The following DDX23 variants were observed in gnomAD, a reference collection of about 807,000 sequenced individuals.
The protein encoded by DDX23 is DEAD-box helicase 23.
Under a neutral mutation model 102.7 loss-of-function variants are expected in DDX23, and 33 were observed. That is an observed-to-expected ratio of 0.32 (90% CI 0.24 to 0.43). The LOEUF is 0.43. Among genes scored for constraint, DDX23 ranks in the 20% least tolerant of loss-of-function variants. DDX23 has a pLI of 1.00. For missense variants in DDX23, 549 were observed against 1,086.6 expected, an observed-to-expected ratio of 0.51 and a Z score of 6.96; for synonymous variants, 352 against 376.0, an observed-to-expected ratio of 0.94 and a Z score of 0.74.
chr12:48,835,494 G>A (rs1013986398), intron 11 of DDX23, among the ~76,000 whole-genome samples: 3 of 152,158 alleles, frequency 2.0e-5, no homozygotes, highest in Non-Finnish European at 4.4e-5. Context: ...CAGATCACTT[G>A]AGGTCAGGAG....
Position 48,836,461 on chromosome 12 carries a change from G to T in DDX23, c.1236+108C>A. The T allele has an allele frequency of 1.6e-6, 2 of 1,279,520 alleles. No homozygotes were observed. The highest frequency in any genetic ancestry group is 2.2e-6 in the Non-Finnish European group (2 of 905,206). The allele number at this position is 1,279,520 out of a possible 1,614,324, so 79.3% of individuals were successfully genotyped here. ...AGAAAGTGACAGAAAAGGTCACATT[G>T]GTGCCCACTAGCAGCGATGGCTCCA... On this transcript the variant is annotated intron_variant, in intron 10 of 16. Transcript: ENST00000308025. The surrounding 1 kb of genome is among the most constrained non-coding windows in gnomAD (Gnocchi z 6.1).
Position 48,840,001 on chromosome 12 carries a change from C to T in DDX23, c.414+12G>A. 1.2e-6 allele frequency: 2 copies of T among 1,613,354 alleles called. No homozygotes were observed. Among genetic ancestry groups the T allele is most frequent in the South Asian group, 1.1e-5 (1 of 91,066 alleles). ...CGAGTTGAAGATGAAAAATATCCTT[C>T]CTCTCCTTTACCTTAGGCTTCTTAT... On this transcript the variant is annotated intron_variant, in intron 4 of 16. Transcript: ENST00000308025.
In DDX23 at chr12:48,836,392, G is replaced by T; in HGVS notation, c.1237-126C>A. On this transcript the variant is annotated intron_variant, in intron 10 of 16. Transcript: ENST00000308025. This position sits in a 1 kb window ranked among gnomAD's most constrained non-coding sequence, Gnocchi z 6.1. Reference sequence around the variant, plus strand: ...GCCAAGTACAGTTCACAGAAATAGGGACCCCAAGAAGAAACCTAATCACTA... The same window carrying T: ...GCCAAGTACAGTTCACAGAAATAGGTACCCCAAGAAGAAACCTAATCACTA... 7.6e-7 allele frequency: 1 copy of T among 1,313,550 alleles called. No individual in the cohort carries two copies. The highest frequency in any genetic ancestry group is 1.1e-6 in the Non-Finnish European group (1 of 939,314). 81.4% of individuals were successfully genotyped at this position (1,313,550 alleles called of 1,614,324 possible).
At chr12:48,844,461 T>A (rs1182577056) in intron 2 of DDX23, among the ~76,000 whole-genome samples, 2 of 152,022 alleles carry the variant, frequency 1.3e-5, no homozygotes, top group Non-Finnish European at 2.9e-5. Context: ...GTATTTTTAG[T>A]AGAGACGGGG....
chr12:48,832,883 T>G lies in DDX23; in HGVS notation c.1804-310A>C. 1 of 465,284 alleles carries G rather than the reference T, an allele frequency of 2.1e-6. No homozygotes were observed. Among genetic ancestry groups the G allele is most frequent in the East Asian group, 4.0e-5 (1 of 24,706 alleles). 28.8% of individuals were successfully genotyped at this position (465,284 alleles called of 1,614,324 possible). ...AGCTAAATGGCTCCACCCTTAGGACTGTCAGAGGACTGTACCTAGGCACAC... is the reference window on the plus strand; with the variant it reads ...AGCTAAATGGCTCCACCCTTAGGACGGTCAGAGGACTGTACCTAGGCACAC... On this transcript the variant is annotated intron_variant, in intron 13 of 16. Coordinates refer to ENST00000308025, the MANE Select transcript of DDX23 (RefSeq NM_004818.3). This position sits in a 1 kb window ranked among gnomAD's most constrained non-coding sequence, Gnocchi z 4.4.
chr12:48,844,849 A>G (rs1248954988), intron 2 of DDX23, among the ~76,000 whole-genome samples: 1 of 151,570 alleles, frequency 6.6e-6, no homozygotes, highest in Non-Finnish European at 1.5e-5. Context: ...GGAGTAGATT[A>G]ATGTACAAAA....
chr12:48,843,839 C>T lies in DDX23; in HGVS notation c.320+101G>A, dbSNP rs780917177. On this transcript the variant is annotated intron_variant, in intron 3 of 16. Coordinates refer to ENST00000308025, the MANE Select transcript of DDX23 (RefSeq NM_004818.3). ...CTGGGATTACAGGCGTGAGCCACCA[C>T]GCCTGGCGAGAAATCTACTTTCATA... 12 of 1,329,180 alleles carry T rather than the reference C, an allele frequency of 9.0e-6. No homozygotes were observed. The East Asian group carries it at 1.2e-4, about 13-fold the overall frequency. 82.3% of individuals were successfully genotyped at this position (1,329,180 alleles called of 1,614,324 possible). A position where few individuals can be genotyped will look rare whatever the true frequency, so the allele number is the denominator to read the frequency against.
Position 48,838,504 on chromosome 12 carries a change from T to C in DDX23, c.481-424A>G, listed in dbSNP as rs189541775. 2.7e-3 allele frequency among the ~76,000 whole-genome samples: 401 copies of C among 149,436 alleles called. 1 individual carries two copies. Among genetic ancestry groups the C allele is most frequent in the African/African-American group, 9.7e-3 (393 of 40,462 alleles). The stretch of plus-strand genomic sequence containing the variant: ...GTTTGAGGTTACAGTGAGCTGTGAT[T>C]GCACCACTGTACTTTAGCCTGGGCA... On this transcript the variant is annotated intron_variant, in intron 5 of 16. Coordinates refer to ENST00000308025, the MANE Select transcript of DDX23 (RefSeq NM_004818.3).
intron 2 of DDX23, 87 bp downstream of exon 2, chr12:48,845,486 TA>T: frequency 7.0e-7 from 1 of 1,431,534 alleles, no homozygotes. Context: ...AGTAGATGCC[TA>T]ATACTGGAGG....
intron 15 of DDX23, chr12:48,831,726 C>T (rs1269888721): frequency 2.3e-6 from 1 of 432,648 alleles, no homozygotes; most frequent in East Asian, 4.2e-5. Flanking sequence ...TGATTATCAG[C>T]TCCCTTCTGA....
Position 48,832,267 on chromosome 12 carries a change from C to T in DDX23, c.1956-81G>A. On this transcript the variant is annotated intron_variant, in intron 14 of 16. Transcript: ENST00000308025. This position sits in a 1 kb window ranked among gnomAD's most constrained non-coding sequence, Gnocchi z 4.4. ...GCCCAACCCTCATCTATGAACACTACTTTCAGGGTCTTTAATGCCCATGAC... is the reference window on the plus strand; with the variant it reads ...GCCCAACCCTCATCTATGAACACTATTTTCAGGGTCTTTAATGCCCATGAC... 1 of 1,557,712 alleles carries T rather than the reference C, an allele frequency of 6.4e-7. No homozygotes were observed. The highest frequency in any genetic ancestry group is 8.8e-7 in the Non-Finnish European group (1 of 1,134,166).
rs755996767 is a variant in DDX23, at chr12:48,845,648, C to T, written c.135G>A (p.Lys45=). Residue 45 remains lysine, a synonymous_variant, in exon 2 of 17, where the codon AAG becomes AAA. Transcript: ENST00000308025. ...GACGTCTATCCCTTGAACGATGCCG[C>T]TTTCTATCTTTAGATGGGGAAGACT... is the stretch of plus-strand genomic sequence containing the variant. The part of the protein sequence containing the change: ...DRKSSPSKDR[K]RHRSRDRRRG... The T allele has an allele frequency of 9.9e-6, 16 of 1,614,118 alleles. No individual in the cohort carries two copies. The highest frequency in any genetic ancestry group is 1.4e-5 in the Non-Finnish European group (16 of 1,180,062).
intron 15 of DDX23, 169 bp downstream of exon 15, chr12:48,831,909 T>C (rs2137480446): frequency 1.6e-6 from 1 of 636,522 alleles, no homozygotes; most frequent in Non-Finnish European, 2.7e-6. Flanking sequence ...CAGCAATTGA[T>C]TCCATTCTCT....
In DDX23 at chr12:48,830,770, G is replaced by T; in HGVS notation, c.2240-78C>A. On this transcript the variant is annotated intron_variant, in intron 16 of 16. Coordinates refer to ENST00000308025, the MANE Select transcript of DDX23 (RefSeq NM_004818.3). This position sits in a 1 kb window ranked among gnomAD's most constrained non-coding sequence, Gnocchi z 4.9. Reference sequence around the variant, plus strand: ...GTGTCTGATGCCTCCACTTCTAGAGGCATCCTTCCCACCCCATCTCCAAAG... The same window carrying T: ...GTGTCTGATGCCTCCACTTCTAGAGTCATCCTTCCCACCCCATCTCCAAAG... 7.1e-7 allele frequency: 1 copy of T among 1,410,682 alleles called. No homozygotes were observed. Among genetic ancestry groups the T allele is most frequent in the Non-Finnish European group, 9.7e-7 (1 of 1,034,052 alleles). The allele number at this position is 1,410,682 out of a possible 1,614,324, so 87.4% of individuals were successfully genotyped here.
At chr12:48,846,660 T>C (rs1347358286) in intron 1 of DDX23, among the ~76,000 whole-genome samples, 2 of 152,240 alleles carry the variant, frequency 1.3e-5, no homozygotes, top group Non-Finnish European at 2.9e-5. Context: ...ACAGAACCTC[T>C]ATACACATTT....
At chr12:48,847,030 T>TA (rs1938679504) in intron 1 of DDX23, among the ~76,000 whole-genome samples, 1 of 152,242 alleles carries the variant, frequency 6.6e-6, no homozygotes, top group African/African-American at 2.4e-5. Context: ...AATGGTTCCT[T>TA]AAGCTTTAGC....
At chr12:48,835,013 G>A (rs933993655) in intron 11 of DDX23, 5 of 159,386 alleles carry the variant, frequency 3.1e-5, no homozygotes, top group Admixed American at 3.1e-4. Context: ...CGGAGGCTGA[G>A]GTGAGTGAAT....
At chr12:48,840,292 G>T in intron 3 of DDX23, 186 bp from the exon 4 acceptor site, 1 of 666,248 alleles carries the variant, frequency 1.5e-6, no homozygotes, top group Non-Finnish European at 2.7e-6. Context: ...ACCTAATTAT[G>T]GCCCTGTCTT....
chr12:48,842,662 C>T (rs1211492881), intron 3 of DDX23, among the ~76,000 whole-genome samples: 17 of 123,158 alleles, frequency 1.4e-4, no homozygotes, highest in African/African-American at 4.6e-4. Flanking sequence ...CCGCCCCGTC[C>T]GGGAGGGAGG....
Sources: allele counts gnomAD v4.1 joint callset (sites outside exome capture counted in the v4.1 genomes callset), GRCh38; gene constraint gnomAD v4.1.1; non-coding constraint Gnocchi (gnomAD v3.1); transcripts MANE v1.5; gene names NCBI Gene and HGNC (gene_info 2026-07-23, HGNC 2026-07-21).